The following CCSER1 variants were observed in gnomAD, a reference collection of about 807,000 sequenced individuals.
CCSER1 encodes coiled-coil serine rich protein 1.
In CCSER1, 41 loss-of-function variants were observed where a neutral mutation model predicts 82.0. The ratio of observed to expected loss-of-function variants is 0.50; its 90% CI spans 0.39 to 0.65. The LOEUF (loss-of-function observed/expected upper bound fraction) is 0.65. CCSER1 is among the 30% of genes least tolerant of loss of function. The probability of loss-of-function intolerance (pLI) is 0.00; values close to 1 mark genes in which losing one functional copy is unlikely to be tolerated. For missense variants in CCSER1, 1,119 were observed against 1,064.2 expected (o/e 1.05, Z -0.72); for synonymous variants, 414 against 383.9 (o/e 1.08, Z -0.92).
At position 90,544,992 on chromosome 4, in the gene CCSER1, T is replaced by C. The variant is rs573040554; in HGVS notation, c.1724+76638T>C. Among the ~76,000 whole-genome samples the C allele has an allele frequency of 2.0e-5, 3 of 152,270 alleles. No individual in the cohort carries two copies. In the South Asian group the frequency reaches 6.2e-4, roughly 32 times the overall value. On this transcript the variant is annotated intron_variant, in intron 5 of 10. Transcript: ENST00000509176. The stretch of plus-strand genomic sequence containing the variant: ...CTGAAAAAAATAGTCCTGGAGCAAA[T>C]TGGCTGTTAATGTCTAGATGTGTAG...
rs749696401 is a variant in CCSER1 at position 91,531,569 on chromosome 4, C to T, written c.2218-67003C>T. On this transcript the variant is annotated intron_variant, in intron 10 of 10. Coordinates refer to ENST00000509176, the MANE Select transcript of CCSER1 (RefSeq NM_001145065.2). Reference sequence around the variant, plus strand: ...CTTACAGATAGTAAATTGTTAGTTACTCCATGTTTTAGTCCATTCCTGCTG... The same window carrying T: ...CTTACAGATAGTAAATTGTTAGTTATTCCATGTTTTAGTCCATTCCTGCTG... 3.3e-5 allele frequency among the ~76,000 whole-genome samples: 5 copies of T among 152,254 alleles called. No homozygotes were observed. The South Asian group carries it at 6.2e-4, about 19-fold the overall frequency.
intron 6 of CCSER1, among the ~76,000 whole-genome samples, chr4:90,706,715 A>G (rs530088583): frequency 2.0e-5 from 3 of 152,346 alleles, no homozygotes; most frequent in African/African-American, 7.2e-5. Context: ...ACAGCAAAAC[A>G]AAATTTGCAC....
Position 90,601,719 on chromosome 4 carries a change from G to T in CCSER1, c.1725-26306G>T, listed in dbSNP as rs1272699525. Among the ~76,000 whole-genome samples the T allele has an allele frequency of 4.7e-5, 7 of 150,042 alleles. No individual in the cohort carries two copies. In the South Asian group the frequency reaches 1.5e-3, roughly 31 times the overall value. ...TGCTCCAACTTTCTCCCTAAGTATTGCTTTCACAGCATCCAACAAATTGTA... is the reference window on the plus strand; with the variant it reads ...TGCTCCAACTTTCTCCCTAAGTATTTCTTTCACAGCATCCAACAAATTGTA... On this transcript the variant is annotated intron_variant, in intron 5 of 10. Transcript: ENST00000509176.
At chr4:91,362,737 T>C (rs983331977) in intron 10 of CCSER1, among the ~76,000 whole-genome samples, 58 of 151,790 alleles carry the variant, frequency 3.8e-4, no homozygotes, top group African/African-American at 1.3e-3. Context: ...TTGTTTTTTC[T>C]AAGTAGGTAA....
rs565246225 is a variant in CCSER1 at position 90,310,084 on chromosome 4, C to T, written c.1324+476C>T. Reference sequence around the variant, plus strand: ...TTTATAATTTCCTTTGTTAACTAAGCTTTCATTATTAATTAGGATCCATGT... The same window carrying T: ...TTTATAATTTCCTTTGTTAACTAAGTTTTCATTATTAATTAGGATCCATGT... On this transcript the variant is annotated intron_variant, in intron 2 of 10. Transcript: ENST00000509176. 4.6e-5 allele frequency among the ~76,000 whole-genome samples: 7 copies of T among 151,844 alleles called. No individual in the cohort carries two copies. In the South Asian group the frequency reaches 1.2e-3, roughly 27 times the overall value.
chr4:91,181,292 C>T (rs923394491), intron 10 of CCSER1, among the ~76,000 whole-genome samples: 2 of 152,180 alleles, frequency 1.3e-5, no homozygotes, highest in Non-Finnish European at 2.9e-5. Context: ...CTGCAGACTA[C>T]CCAAAGACAA....
intron 4 of CCSER1, among the ~76,000 whole-genome samples, chr4:90,424,007 C>T (rs770233272): frequency 2.6e-5 from 4 of 150,964 alleles, no homozygotes; most frequent in Non-Finnish European, 3.0e-5. Flanking sequence ...AGGAGAATGG[C>T]GTGAACCCGG....
At chr4:91,154,094 C>A (rs1730549739) in intron 10 of CCSER1, among the ~76,000 whole-genome samples, 1 of 152,002 alleles carries the variant, frequency 6.6e-6, no homozygotes, top group Non-Finnish European at 1.5e-5. Context: ...TTCAGCTATG[C>A]CCTGCCCCCA....
rs1410653738 is a variant in CCSER1, at chr4:90,257,218, T to C, written c.-41-51026T>C. Among the ~76,000 whole-genome samples the C allele has an allele frequency of 2.6e-5, 4 of 152,068 alleles. No individual in the cohort carries two copies. The East Asian group carries it at 7.7e-4, about 29-fold the overall frequency. On this transcript the variant is annotated intron_variant, in intron 1 of 10. Transcript: ENST00000509176. ...TTATGTTATAAAATGAAATGTTATATATATATATATAGGTATATGTCTATA... is the reference window on the plus strand; with the variant it reads ...TTATGTTATAAAATGAAATGTTATACATATATATATAGGTATATGTCTATA...
rs779214529 is a variant in CCSER1 at position 91,359,946 on chromosome 4, G to T, written c.2218-238626G>T. ...GACTTGCATTATCTCTTTTATTTTG[G>T]CAAACAGATATTAAGGTGAGGGTCA... On this transcript the variant is annotated intron_variant, in intron 10 of 10. Coordinates refer to ENST00000509176, the MANE Select transcript of CCSER1 (RefSeq NM_001145065.2). Among the ~76,000 whole-genome samples, 15 of 151,704 alleles carry T rather than the reference G, an allele frequency of 9.9e-5. 1 individual carries two copies. Among genetic ancestry groups the T allele is most frequent in the Non-Finnish European group, 1.8e-4 (12 of 67,856 alleles).
intron 3 of CCSER1, among the ~76,000 whole-genome samples, chr4:90,367,336 G>A (rs1330615575): frequency 6.6e-6 from 1 of 151,878 alleles, no homozygotes; most frequent in South Asian, 2.1e-4. Flanking sequence ...TTATGATCTT[G>A]TACAATAACT....
intron 1 of CCSER1, among the ~76,000 whole-genome samples, chr4:90,199,256 C>T (rs1737195755): frequency 6.6e-6 from 1 of 152,072 alleles, no homozygotes. Flanking sequence ...ATAGGCCAAG[C>T]CCATAAATAT....
At chr4:90,281,577 C>G (rs1728868607) in intron 1 of CCSER1, among the ~76,000 whole-genome samples, 2 of 151,908 alleles carry the variant, frequency 1.3e-5, no homozygotes, top group Middle Eastern at 3.4e-3. Context: ...TGTCCAGGCC[C>G]AGGTGACGTT....
intron 10 of CCSER1, among the ~76,000 whole-genome samples, chr4:91,090,092 T>C (rs1304263945): frequency 1.3e-5 from 2 of 152,210 alleles, no homozygotes; most frequent in Non-Finnish European, 2.9e-5. Context: ...CCATGAGCCA[T>C]CTTGTGCCCA....
intron 3 of CCSER1, among the ~76,000 whole-genome samples, chr4:90,395,189 G>A (rs927491163): frequency 2.0e-5 from 3 of 152,094 alleles, no homozygotes; most frequent in Non-Finnish European, 2.9e-5. Context: ...TGTTCTGTGC[G>A]TGACTTACTT....
chr4:91,326,024 T>C (rs1222032231), intron 10 of CCSER1, among the ~76,000 whole-genome samples: 1 of 152,152 alleles, frequency 6.6e-6, no homozygotes, highest in African/African-American at 2.4e-5. Flanking sequence ...TTTTCTGAGT[T>C]TTGAATTCTC....
At chr4:91,186,090 GC>G (rs537129023) in intron 10 of CCSER1, among the ~76,000 whole-genome samples, 50 of 152,272 alleles carry the variant, frequency 3.3e-4, no homozygotes, top group Admixed American at 8.5e-4. Flanking sequence ...AGAACTAAGA[GC>G]GATCGCTCGA....
chr4:90,563,162 A>C (rs371898667), intron 5 of CCSER1, among the ~76,000 whole-genome samples: 39 of 152,094 alleles, frequency 2.6e-4, no homozygotes, highest in Middle Eastern at 3.4e-3. Flanking sequence ...GCCAGGCTGG[A>C]GTGCAGTGGC....
intron 7 of CCSER1, among the ~76,000 whole-genome samples, chr4:90,779,914 T>C (rs572684887): frequency 6.6e-6 from 1 of 152,346 alleles, no homozygotes; most frequent in East Asian, 1.9e-4. Context: ...ACGCCAATCC[T>C]GTGCAGATGG....
Sources: gnomAD v4.1 joint callset for allele counts (sites outside exome capture counted in the v4.1 genomes callset) on GRCh38, gnomAD v4.1.1 for gene constraint, MANE v1.5 for transcripts, NCBI Gene and HGNC (gene_info 2026-07-23, HGNC 2026-07-21) for gene names.